The following PRDM16 variants were observed in gnomAD, a reference collection of about 807,000 sequenced individuals.
PRDM16 encodes the protein PR/SET domain 16, also known as histone-lysine N-methyltransferase PRDM16.
PRDM16 carries 23 observed loss-of-function variants against 110.6 expected under a neutral mutation model. The ratio of observed to expected loss-of-function variants is 0.21; its 90% confidence interval spans 0.15 to 0.29. The LOEUF is 0.29. Among genes scored for constraint, PRDM16 ranks in the 10% least tolerant of loss-of-function variants. The pLI is 1.00. For missense variants in PRDM16, 1,615 were observed against 1,794.3 expected, an observed-to-expected ratio of 0.90 and a Z score of 1.81; for synonymous variants, 799 against 781.8, an observed-to-expected ratio of 1.02 and a Z score of -0.37.
At chr1:3,089,644 G>A (rs1232300514) in intron 1 of PRDM16, among the ~76,000 whole-genome samples, 1 of 152,342 alleles carries the variant, frequency 6.6e-6, no homozygotes, top group East Asian at 1.9e-4. Flanking sequence ...CGTGTGACTC[G>A]CTCTGGGGCA....
At position 3,438,136 on chromosome 1, in the gene PRDM16, C is replaced by G. The variant is rs1161086118; in HGVS notation, c.*4325C>G. ...TTTAAAAAGACCATTGAGAAGGAGG[C>G]TGGCGCTCGCCCCATGTCCCCCTTG... On this transcript the variant is annotated 3_prime_UTR_variant, in exon 17 of 17. Coordinates refer to ENST00000270722, the MANE Select transcript of PRDM16 (RefSeq NM_022114.4). The G allele has an allele frequency of 9.7e-6, 2 of 205,802 alleles. No individual in the cohort carries two copies. Among genetic ancestry groups the G allele is most frequent in the African/African-American group, 2.3e-5 (1 of 43,824 alleles). The allele number at this position is 205,802 out of a possible 1,614,324, so 12.7% of individuals were successfully genotyped here.
chr1:3,345,373 GC>G (rs1177146476), intron 3 of PRDM16, among the ~76,000 whole-genome samples: 1 of 152,138 alleles, frequency 6.6e-6, no homozygotes, highest in Non-Finnish European at 1.5e-5. Context: ...AGGCTCCTGG[GC>G]CCCACTCTTT....
chr1:3,291,230 A>C lies in PRDM16; in HGVS notation c.438+47093A>C, dbSNP rs571838619. ...ACTGCCTCAGAGACTGGAGAGAGCC[A>C]GGCCCAGGAGACCCCAGTCAGGGCG... is the stretch of plus-strand genomic sequence containing the variant. On this transcript the variant is annotated intron_variant, in intron 3 of 16. Transcript: ENST00000270722. Among the ~76,000 whole-genome samples the C allele has an allele frequency of 5.3e-5, 8 of 152,266 alleles. No individual in the cohort carries two copies. In the East Asian group the frequency reaches 1.2e-3, roughly 22 times the overall value.
At chr1:3,326,557 G>T (rs1472197126) in intron 3 of PRDM16, among the ~76,000 whole-genome samples, 1 of 152,146 alleles carries the variant, frequency 6.6e-6, no homozygotes, top group Non-Finnish European at 1.5e-5. Flanking sequence ...GGTGATGGCA[G>T]AGGTGACCCA....
intron 3 of PRDM16, among the ~76,000 whole-genome samples, chr1:3,378,631 C>A (rs1307728834): frequency 2.6e-5 from 4 of 152,232 alleles, no homozygotes; most frequent in African/African-American, 9.6e-5. Flanking sequence ...GAGCGAGGGG[C>A]CTCGACAGCA....
At chr1:3,394,366 G>GCT (rs149357188) in intron 4 of PRDM16, 10 of 441,446 alleles carry the variant, frequency 2.3e-5, no homozygotes, top group South Asian at 1.4e-4. Flanking sequence ...CAGGAGGGCC[G>GCT]CCCAGCCCCC....
rs531148241 is a variant in PRDM16 at position 3,243,485 on chromosome 1, G to A, written c.388-602G>A. 6.6e-6 allele frequency among the ~76,000 whole-genome samples: 1 copy of A among 151,986 alleles called. No individual in the cohort carries two copies. Among genetic ancestry groups the A allele is most frequent in the African/African-American group, 2.4e-5 (1 of 41,392 alleles). On this transcript the variant is annotated intron_variant, in intron 2 of 16. Coordinates refer to ENST00000270722, the MANE Select transcript of PRDM16 (RefSeq NM_022114.4). The surrounding 1 kb of genome is among the most constrained non-coding windows in gnomAD (Gnocchi z 5.5). ...TGGCCGACCTCTGCCCCTGCCTCTG[G>A]CCGCCCGCCGCTGTCTCCTGGGACC...
At chr1:3,377,825 C>T (rs1288025945) in intron 3 of PRDM16, among the ~76,000 whole-genome samples, 5 of 152,176 alleles carry the variant, frequency 3.3e-5, no homozygotes, top group Admixed American at 2.6e-4. Context: ...TGATCACGCG[C>T]AAACAGAAGC....
chr1:3,098,743 T>C (rs1421881484), intron 1 of PRDM16, among the ~76,000 whole-genome samples: 1 of 152,230 alleles, frequency 6.6e-6, no homozygotes, highest in Non-Finnish European at 1.5e-5. Context: ...TTCAGTCTTC[T>C]GGACAGGCCC....
chr1:3,292,494 G>T (rs142411816), intron 3 of PRDM16, among the ~76,000 whole-genome samples: 10 of 152,240 alleles, frequency 6.6e-5, no homozygotes, highest in African/African-American at 2.4e-4. Context: ...ATCTGGGGCC[G>T]CAGCGTCCCC....
chr1:3,213,839 G>A lies in PRDM16; in HGVS notation c.387+27365G>A, dbSNP rs1638959283. On this transcript the variant is annotated intron_variant, in intron 2 of 16. Coordinates refer to ENST00000270722, the MANE Select transcript of PRDM16 (RefSeq NM_022114.4). The surrounding 1 kb of genome is among the most constrained non-coding windows in gnomAD (Gnocchi z 5.3). ...CCGAGGCCAAGCCGGTGCCTTCCCA[G>A]GAGGCCTTGCCACCCCCCATTAATC... Among the ~76,000 whole-genome samples, 1 of 152,106 alleles carries A rather than the reference G, an allele frequency of 6.6e-6. No individual in the cohort carries two copies. The highest frequency in any genetic ancestry group is 2.4e-5 in the African/African-American group (1 of 41,404).
At chr1:3,361,944 G>A (rs569571753) in intron 3 of PRDM16, among the ~76,000 whole-genome samples, 2 of 151,682 alleles carry the variant, frequency 1.3e-5, no homozygotes, top group Non-Finnish European at 2.9e-5. Context: ...CGGCCCAGGA[G>A]GGCAGGTGGT....
At chr1:3,180,989 TACAC>T (rs1206967037) in intron 1 of PRDM16, among the ~76,000 whole-genome samples, 5 of 134,100 alleles carry the variant, frequency 3.7e-5, no homozygotes, top group East Asian at 2.2e-4. Flanking sequence ...CACGCAGTCT[TACAC>T]ACGATCTTAC....
At chr1:3,114,225 ACG>A (rs2100646920) in intron 1 of PRDM16, among the ~76,000 whole-genome samples, 1 of 115,776 alleles carries the variant, frequency 8.6e-6, no homozygotes, top group Non-Finnish European at 1.8e-5. Flanking sequence ...ACGAACACAC[ACG>A]CACACACGCA....
chr1:3,276,514 C>T (rs1179128207), intron 3 of PRDM16, among the ~76,000 whole-genome samples: 3 of 152,222 alleles, frequency 2.0e-5, no homozygotes, highest in African/African-American at 2.4e-5. Context: ...GCCAGCGACC[C>T]GGACCCGCCC....
At chr1:3,075,269 A>G (rs1279740592) in intron 1 of PRDM16, among the ~76,000 whole-genome samples, 1 of 152,194 alleles carries the variant, frequency 6.6e-6, no homozygotes, top group Non-Finnish European at 1.5e-5. Flanking sequence ...CACTATAACT[A>G]TTTCTGTCCA....
chr1:3,394,184 C>T (rs975637376), intron 4 of PRDM16, among the ~76,000 whole-genome samples: 7 of 151,790 alleles, frequency 4.6e-5, no homozygotes, highest in African/African-American at 1.7e-4. Context: ...CTGGCGCCCT[C>T]GGAGCTGCGG....
chr1:3,100,528 G>T (rs1642506572), intron 1 of PRDM16, among the ~76,000 whole-genome samples: 1 of 152,126 alleles, frequency 6.6e-6, no homozygotes, highest in South Asian at 2.1e-4. Context: ...AGTGGACGGG[G>T]CCTCTGCTGG....
intron 1 of PRDM16, among the ~76,000 whole-genome samples, chr1:3,084,782 C>T (rs1248494750): frequency 2.0e-5 from 3 of 152,326 alleles, no homozygotes; most frequent in East Asian, 1.9e-4. Flanking sequence ...TCACTGTTCT[C>T]GGGCGTCCCC....
Sources: allele counts gnomAD v4.1 joint callset (sites outside exome capture counted in the v4.1 genomes callset), GRCh38; gene constraint gnomAD v4.1.1; non-coding constraint Gnocchi (gnomAD v3.1); transcripts MANE v1.5; gene names NCBI Gene and HGNC (gene_info 2026-07-23, HGNC 2026-07-21).